Variants in PPP2R2D observed in about 807,000 individuals in gnomAD.
PPP2R2D encodes the protein protein phosphatase 2 regulatory subunit Bdelta, also known as serine/threonine-protein phosphatase 2A 55 kDa regulatory subunit B delta isoform.
PPP2R2D carries 9 observed loss-of-function variants against 31.1 expected under a neutral mutation model. That is an observed-to-expected ratio of 0.29 (90% CI 0.17 to 0.51). The LOEUF is 0.51. PPP2R2D is among the 20% of genes least tolerant of loss of function. The pLI is 0.98. For missense variants in PPP2R2D, 391 were observed against 465.6 expected, an observed-to-expected ratio of 0.84 and a Z score of 1.48; for synonymous variants, 179 against 172.6, an observed-to-expected ratio of 1.04 and a Z score of -0.29.
At chr10:131,923,429 T>C (rs2036032466) in intron 2 of PPP2R2D, among the ~76,000 whole-genome samples, 1 of 152,220 alleles carries the variant, frequency 6.6e-6, no homozygotes, top group Non-Finnish European at 1.5e-5. Context: ...CATGTTTTTG[T>C]ATAGACATGT....
intron 8 of PPP2R2D, among the ~76,000 whole-genome samples, chr10:131,952,030 C>CG: frequency 6.8e-6 from 1 of 146,390 alleles, no homozygotes. Flanking sequence ...TGCGGGTGTG[C>CG]AGGGGGTTCA....
the PPP2R2D span, chr10:131,970,350 AAG>A: frequency 6.3e-6 from 3 of 477,578 alleles, no homozygotes; most frequent in Non-Finnish European, 1.1e-5. The surrounding 1 kb of genome is among the most constrained non-coding windows in gnomAD (Gnocchi z 4.1). Context: ...ACACAGGACA[AAG>A]AGGTCAGACC....
intron 2 of PPP2R2D, among the ~76,000 whole-genome samples, chr10:131,907,081 T>C (rs1461628829): frequency 6.6e-6 from 1 of 152,058 alleles, no homozygotes; most frequent in Non-Finnish European, 1.5e-5. Flanking sequence ...TACTAAGATG[T>C]GGGGAAATGT....
At chr10:131,927,132 T>C (rs1198160455) in intron 2 of PPP2R2D, among the ~76,000 whole-genome samples, 1 of 152,166 alleles carries the variant, frequency 6.6e-6, no homozygotes, top group African/African-American at 2.4e-5. Flanking sequence ...TTCTTCTGTT[T>C]TTCATGAAAT....
intron 2 of PPP2R2D, among the ~76,000 whole-genome samples, chr10:131,905,891 G>A (rs1247843235): frequency 2.6e-5 from 4 of 152,196 alleles, no homozygotes; most frequent in African/African-American, 4.8e-5. Context: ...TCTAAAGCTC[G>A]GTGAAAATCT....
At chr10:131,911,254 G>A (rs980487536) in intron 2 of PPP2R2D, among the ~76,000 whole-genome samples, 4 of 152,304 alleles carry the variant, frequency 2.6e-5, no homozygotes, top group African/African-American at 7.2e-5. Context: ...GCCAGTGTCC[G>A]GCTGCAGAAC....
rs1315230590 is a variant in PPP2R2D at position 131,921,619 on chromosome 10, G to A, written c.101-12839G>A. On this transcript the variant is annotated intron_variant, in intron 2 of 8. Transcript: ENST00000455566. ...AGCATTTTGGTCTTTACTAAGGGCA[G>A]TGAGGATTCAAAACAGCATGGTTGG... Among the ~76,000 whole-genome samples, 5 of 152,236 alleles carry A rather than the reference G, an allele frequency of 3.3e-5. No individual in the cohort carries two copies. In the East Asian group the frequency reaches 9.6e-4, roughly 29 times the overall value.
downstream of PPP2R2D, among the ~76,000 whole-genome samples, chr10:131,960,602 G>GTA (rs1187080915): frequency 2.9e-3 from 442 of 152,308 alleles, 3 homozygotes; most frequent in African/African-American, 9.7e-3. Flanking sequence ...CCAAAGCCCA[G>GTA]TGCCATGGGA....
intron 2 of PPP2R2D, among the ~76,000 whole-genome samples, chr10:131,906,054 T>C (rs1025158664): frequency 6.6e-6 from 1 of 152,254 alleles, no homozygotes; most frequent in Admixed American, 6.5e-5. Context: ...GAAGAGTAGA[T>C]ACCACAGAGA....
intron 8 of PPP2R2D, among the ~76,000 whole-genome samples, chr10:131,952,296 T>C (rs2036660115): frequency 1.1e-5 from 1 of 88,098 alleles, no homozygotes; most frequent in South Asian, 5.2e-4. Context: ...TTCACTGTCT[T>C]AGTGACTTGC....
intron 3 of PPP2R2D, among the ~76,000 whole-genome samples, chr10:131,938,334 A>G (rs1471681101): frequency 6.6e-6 from 1 of 152,260 alleles, no homozygotes; most frequent in East Asian, 1.9e-4. Flanking sequence ...TAGAGCAAGA[A>G]TGAAAGTACT....
chr10:131,902,780 A>C (rs1451984065), intron 2 of PPP2R2D, among the ~76,000 whole-genome samples: 8 of 152,138 alleles, frequency 5.3e-5, no homozygotes, highest in African/African-American at 1.9e-4. Context: ...ACAGGGTCTC[A>C]CTTTGTAGCC....
chr10:131,961,691 G>T (rs2036921727), downstream of PPP2R2D, among the ~76,000 whole-genome samples: 1 of 152,200 alleles, frequency 6.6e-6, no homozygotes, highest in Non-Finnish European at 1.5e-5. Flanking sequence ...CTGCCGTCCT[G>T]GGCCGGGCCT....
downstream of PPP2R2D, among the ~76,000 whole-genome samples, chr10:131,963,370 A>AG (rs61281869): frequency 0.99 from 151,179 of 152,356 alleles, 75,007 homozygotes; most frequent in East Asian, 1. Flanking sequence ...TCCCCAGAGG[A>AG]GGTGACAAAG....
At chr10:131,910,374 C>G (rs2035663981) in intron 2 of PPP2R2D, among the ~76,000 whole-genome samples, 1 of 151,340 alleles carries the variant, frequency 6.6e-6, no homozygotes, top group Non-Finnish European at 1.5e-5. Flanking sequence ...CTGATCTCAT[C>G]AGAAGAAAAA....
At chr10:131,920,284 C>T (rs1184047738) in intron 2 of PPP2R2D, among the ~76,000 whole-genome samples, 6 of 147,892 alleles carry the variant, frequency 4.1e-5, no homozygotes, top group Non-Finnish European at 8.9e-5. Flanking sequence ...GTGTAGGGAC[C>T]TCACACAGGT....
rs367591990 is a variant in PPP2R2D, at chr10:131,916,542, C to T, written c.100+15212C>T. 2.6e-5 allele frequency among the ~76,000 whole-genome samples: 4 copies of T among 152,238 alleles called. No homozygotes were observed. The East Asian group carries it at 7.7e-4, about 29-fold the overall frequency. Reference sequence around the variant, plus strand: ...CCTATTAAACAATAACTCCCCTTCTCCCCTTCCCCGGCCCCTGGCGACCAC... The same window carrying T: ...CCTATTAAACAATAACTCCCCTTCTTCCCTTCCCCGGCCCCTGGCGACCAC... On this transcript the variant is annotated intron_variant, in intron 2 of 8. Transcript: ENST00000455566.
At chr10:131,907,111 C>T (rs1192296561) in intron 2 of PPP2R2D, among the ~76,000 whole-genome samples, 3 of 151,664 alleles carry the variant, frequency 2.0e-5, no homozygotes, top group Admixed American at 6.6e-5. Context: ...CAATGAAATA[C>T]GGTGTTGGTG....
chr10:131,938,511 G>C (rs111658076), intron 3 of PPP2R2D, among the ~76,000 whole-genome samples: 29 of 152,266 alleles, frequency 1.9e-4, no homozygotes, highest in African/African-American at 6.5e-4. Flanking sequence ...TGAAGCTCCT[G>C]TTGTCCCCTC....
Sources: gnomAD v4.1 joint callset for allele counts (sites outside exome capture counted in the v4.1 genomes callset) on GRCh38, gnomAD v4.1.1 for gene constraint, Gnocchi (gnomAD v3.1) non-coding constraint, MANE v1.5 for transcripts, NCBI Gene and HGNC (gene_info 2026-07-23, HGNC 2026-07-21) for gene names.